CUEDC1: variants seen among roughly 807,000 people sequenced by gnomAD.
CUEDC1 encodes the protein CUE domain containing 1.
Under a neutral mutation model 43.7 loss-of-function variants are expected in CUEDC1, and 30 were observed. The observed-to-expected ratio is 0.69, with a 90% CI of 0.51 to 0.93. CUEDC1 has a LOEUF of 0.93. CUEDC1 is among the 40% of genes least tolerant of loss of function. CUEDC1 has a pLI of 0.00. For missense variants in CUEDC1, 486 were observed against 549.0 expected (o/e 0.89, Z 1.15); for synonymous variants, 223 against 223.6 (o/e 1.00, Z 0.02).
chr17:57,916,879 C>T (rs960503547), intron 1 of CUEDC1, among the ~76,000 whole-genome samples: 6 of 152,156 alleles, frequency 3.9e-5, no homozygotes, highest in Admixed American at 6.5e-5. Context: ...TTATTCACTT[C>T]TCTGAGCAGG....
In CUEDC1 at chr17:57,913,645, T is replaced by A. The variant is rs150375511; in HGVS notation, c.-315-27766A>T. On this transcript the variant is annotated intron_variant, in intron 1 of 10. Coordinates refer to ENST00000577830, the MANE Select transcript of CUEDC1 (RefSeq NM_001271875.2). Reference sequence around the variant, plus strand: ...GCCCAGGGACTCTAGGGAGGAGAGGTCAACATTGAGCAACCCCTCATTTCT... The same window carrying A: ...GCCCAGGGACTCTAGGGAGGAGAGGACAACATTGAGCAACCCCTCATTTCT... Among the ~76,000 whole-genome samples the A allele has an allele frequency of 4.8e-3, 707 of 148,600 alleles. 5 individuals carry two copies. Among genetic ancestry groups the A allele is most frequent in the African/African-American group, 0.017 (680 of 40,978 alleles).
At chr17:57,921,366 TG>T (rs906411935) in intron 1 of CUEDC1, among the ~76,000 whole-genome samples, 1 of 151,226 alleles carries the variant, frequency 6.6e-6, no homozygotes, top group Non-Finnish European at 1.5e-5. Context: ...AGAAAAGAGA[TG>T]AAAAAAAAAA....
At chr17:57,928,190 T>C (rs1431531668) in intron 1 of CUEDC1, among the ~76,000 whole-genome samples, 3 of 152,198 alleles carry the variant, frequency 2.0e-5, no homozygotes, top group Non-Finnish European at 2.9e-5. Context: ...GTGCCTATGC[T>C]TTTTGGGAGG....
intron 1 of CUEDC1, among the ~76,000 whole-genome samples, chr17:57,931,399 T>C (rs533333331): frequency 6.6e-6 from 1 of 152,258 alleles, no homozygotes; most frequent in African/African-American, 2.4e-5. Context: ...AAAACACTGA[T>C]GAAGCCACTG....
intron 1 of CUEDC1, among the ~76,000 whole-genome samples, chr17:57,910,259 T>C (rs2074569152): frequency 2.0e-5 from 3 of 152,144 alleles, no homozygotes; most frequent in African/African-American, 7.2e-5. Context: ...TTTTTTTTTC[T>C]TGCTAAACCT....
In CUEDC1 at chr17:57,868,862, T is replaced by C. The variant is rs935390732; in HGVS notation, c.940+260A>G. On this transcript the variant is annotated intron_variant, in intron 7 of 10. Transcript: ENST00000577830. ...GCCACAGAGAACGTGAACATGAGGA[T>C]TGCGGTGAGGGCATGTGTGGCACGT... Among the ~76,000 whole-genome samples the C allele has an allele frequency of 2.0e-5, 3 of 152,196 alleles. 1 individual carries two copies. The highest frequency in any genetic ancestry group is 4.2e-4 in the South Asian group (2 of 4,812).
chr17:57,935,009 G>A (rs556144626), intron 1 of CUEDC1, among the ~76,000 whole-genome samples: 7 of 152,176 alleles, frequency 4.6e-5, no homozygotes, highest in South Asian at 2.1e-4. Flanking sequence ...CACCCAGCCC[G>A]TTCCCCATTT....
intron 1 of CUEDC1, among the ~76,000 whole-genome samples, chr17:57,890,064 C>T (rs929169160): frequency 6.6e-6 from 1 of 152,272 alleles, no homozygotes; most frequent in African/African-American, 2.4e-5. Flanking sequence ...ATTACAACTC[C>T]ATGAGACAGG....
chr17:57,874,660 G>A (rs900962272), intron 3 of CUEDC1, among the ~76,000 whole-genome samples: 1 of 152,174 alleles, frequency 6.6e-6, no homozygotes, highest in South Asian at 2.1e-4. Context: ...CACGTGTTCC[G>A]CTGAATCAGG....
rs536366866 is a variant in CUEDC1 at position 57,914,432 on chromosome 17, C to T, written c.-315-28553G>A. ...CTGTGCCTTAGAGGTCACAGTGACT[C>T]CATAACTTCACCCTTTGGATAAAGC... is the stretch of plus-strand genomic sequence containing the variant. On this transcript the variant is annotated intron_variant, in intron 1 of 10. Transcript: ENST00000577830. Among the ~76,000 whole-genome samples the T allele has an allele frequency of 2.9e-4, 44 of 152,230 alleles. No homozygotes were observed. The South Asian group carries it at 7.3e-3, about 25-fold the overall frequency.
At chr17:57,935,967 C>A (rs1470769450) in intron 1 of CUEDC1, among the ~76,000 whole-genome samples, 1 of 152,232 alleles carries the variant, frequency 6.6e-6, no homozygotes. Flanking sequence ...ACACCCACCT[C>A]CGCTGTTGCT....
chr17:57,906,396 C>T (rs1042808708), intron 1 of CUEDC1, among the ~76,000 whole-genome samples: 5 of 152,112 alleles, frequency 3.3e-5, no homozygotes, highest in Non-Finnish European at 7.4e-5. Context: ...ATATGAGGAA[C>T]CTAGAACAGG....
At chr17:57,882,347 G>A (rs536939456) in intron 2 of CUEDC1, among the ~76,000 whole-genome samples, 1 of 152,206 alleles carries the variant, frequency 6.6e-6, no homozygotes, top group East Asian at 1.9e-4. Flanking sequence ...GTACCGGGAG[G>A]GGGCTCAATT....
At chr17:57,877,239 G>A (rs543832605) in intron 3 of CUEDC1, among the ~76,000 whole-genome samples, 304 of 152,278 alleles carry the variant, frequency 2.0e-3, no homozygotes, top group African/African-American at 7.0e-3. Context: ...CCCCCAAGTG[G>A]GGCTCCCATC....
chr17:57,920,038 G>A (rs73995403), intron 1 of CUEDC1, among the ~76,000 whole-genome samples: 3,792 of 152,264 alleles, frequency 0.025, 173 homozygotes, highest in African/African-American at 0.085. Context: ...TCACAACAAC[G>A]CTGCAGGAAA....
rs200050222 is a variant in CUEDC1, at chr17:57,873,708, C to A, written c.474G>T (p.Ala158=). Residue 158 remains alanine, a synonymous_variant, in exon 4 of 11, where the codon GCG becomes GCT. Coordinates refer to ENST00000577830, the MANE Select transcript of CUEDC1 (RefSeq NM_001271875.2). ...APPTPPPRID[A]LGSGAPTSQR... ...GGCTTGTAGGGGCTCCAGAGCCCAG[C>A]GCGTCGATACTAGGGGATGGCAGGT... The A allele has an allele frequency of 1.9e-6, 3 of 1,582,700 alleles. No homozygotes were observed. The highest frequency in any genetic ancestry group is 4.7e-5 in the East Asian group (2 of 42,762).
intron 1 of CUEDC1, among the ~76,000 whole-genome samples, chr17:57,890,987 A>T (rs770596479): frequency 2.6e-5 from 4 of 152,196 alleles, no homozygotes; most frequent in Non-Finnish European, 5.9e-5. Flanking sequence ...CTGGCGTATA[A>T]TAAGCACCAG....
At chr17:57,933,130 G>C (rs1016815557) in intron 1 of CUEDC1, among the ~76,000 whole-genome samples, 1 of 152,048 alleles carries the variant, frequency 6.6e-6, no homozygotes, top group Non-Finnish European at 1.5e-5. Context: ...GAAACACCTG[G>C]GCAATGTATA....
intron 1 of CUEDC1, among the ~76,000 whole-genome samples, chr17:57,951,654 T>C (rs2075008398): frequency 1.3e-5 from 2 of 152,098 alleles, no homozygotes; most frequent in Non-Finnish European, 2.9e-5. Context: ...GAGATAGGTT[T>C]CACCATGTTG....
Sources: gnomAD v4.1 joint callset for allele counts (sites outside exome capture counted in the v4.1 genomes callset) on GRCh38, gnomAD v4.1.1 for gene constraint, MANE v1.5 for transcripts, NCBI Gene and HGNC (gene_info 2026-07-23, HGNC 2026-07-21) for gene names.